DCUN1D4: variants seen among roughly 807,000 people sequenced by gnomAD.
DCUN1D4 encodes defective in cullin neddylation 1 domain containing 4.
In DCUN1D4, 22 loss-of-function variants were observed where a neutral mutation model predicts 47.9. That is an observed-to-expected ratio of 0.46 (90% confidence interval 0.33 to 0.66). The LOEUF is 0.66. Ranked by LOEUF, DCUN1D4 falls within the 30% of genes least tolerant of loss-of-function variation. DCUN1D4 has a pLI of 0.02. For missense variants in DCUN1D4, 301 were observed against 340.8 expected, an observed-to-expected ratio of 0.88 and a Z score of 0.92; for synonymous variants, 121 against 112.2, an observed-to-expected ratio of 1.08 and a Z score of -0.50.
At chr4:51,895,220 C>CT (rs901730374) in intron 7 of DCUN1D4, among the ~76,000 whole-genome samples, 2 of 151,494 alleles carry the variant, frequency 1.3e-5, no homozygotes, top group African/African-American at 4.8e-5. Flanking sequence ...AAAAAGGTTA[C>CT]TGTATGATGG....
At chr4:51,858,850 T>C (rs1724557032) in intron 1 of DCUN1D4, among the ~76,000 whole-genome samples, 1 of 152,214 alleles carries the variant, frequency 6.6e-6, no homozygotes. Context: ...ATGGCTGCTT[T>C]TGAGCTACTA....
At chr4:51,880,057 C>T (rs1422957131) in intron 5 of DCUN1D4, among the ~76,000 whole-genome samples, 5 of 152,194 alleles carry the variant, frequency 3.3e-5, no homozygotes, top group Non-Finnish European at 7.3e-5. Flanking sequence ...TAGCCACCCC[C>T]TTCTTTTTCC....
intron 5 of DCUN1D4, among the ~76,000 whole-genome samples, chr4:51,884,102 A>G (rs189527550): frequency 6.6e-6 from 1 of 152,108 alleles, no homozygotes; most frequent in Admixed American, 6.5e-5. Context: ...TATGAAGTAA[A>G]ATATTGTGTA....
intron 5 of DCUN1D4, among the ~76,000 whole-genome samples, chr4:51,882,201 A>G (rs1341365964): frequency 6.6e-6 from 1 of 152,256 alleles, no homozygotes; most frequent in African/African-American, 2.4e-5. Flanking sequence ...AAAAAGAAAA[A>G]GCATTAATAA....
At chr4:51,835,820 C>T in the DCUN1D4 span, among the ~76,000 whole-genome samples, 19 of 152,192 alleles carry the variant, frequency 1.2e-4, no homozygotes, top group East Asian at 3.7e-3. Context: ...TGACTAGACC[C>T]CTGTTTGGAG....
At chr4:51,855,242 GA>G (rs1243040015) in intron 1 of DCUN1D4, among the ~76,000 whole-genome samples, 1 of 152,188 alleles carries the variant, frequency 6.6e-6, no homozygotes, top group African/African-American at 2.4e-5. Context: ...TAGAGCTGAA[GA>G]GGGGTGAAGG....
chr4:51,907,684 C>T (rs1167398364), intron 8 of DCUN1D4, among the ~76,000 whole-genome samples: 2 of 151,992 alleles, frequency 1.3e-5, no homozygotes, highest in African/African-American at 2.4e-5. Flanking sequence ...TTTAATAATT[C>T]AGGGTTCCTC....
At chr4:51,869,834 C>G (rs1454602921) in intron 3 of DCUN1D4, among the ~76,000 whole-genome samples, 1 of 152,132 alleles carries the variant, frequency 6.6e-6, no homozygotes, top group African/African-American at 2.4e-5. Context: ...AAGAAAAGCT[C>G]TATTCATTGA....
rs1734150766 is a variant in DCUN1D4, at chr4:51,914,687, G to C, written c.*1103G>C. The C allele has an allele frequency of 6.6e-6, 1 of 152,492 alleles. No individual in the cohort carries two copies. The highest frequency in any genetic ancestry group is 2.4e-5 in the African/African-American group (1 of 41,418). The allele number at this position is 152,492 out of a possible 1,614,324, so 9.4% of individuals were successfully genotyped here. A position where few individuals can be genotyped will look rare whatever the true frequency, so the allele number is the denominator to read the frequency against. On this transcript the variant is annotated 3_prime_UTR_variant, in exon 11 of 11. Transcript: ENST00000334635. ...AAACCACCAGCATTGAGCTAACCCA[G>C]TACATGCTAGGACCTGTCCTAGAGG...
chr4:51,908,192 A>G (rs941240206), intron 8 of DCUN1D4, among the ~76,000 whole-genome samples: 7 of 152,162 alleles, frequency 4.6e-5, no homozygotes, highest in Admixed American at 4.6e-4. Context: ...ATCTAGTTGT[A>G]TATTGTGGGG....
chr4:51,840,192 G>C (rs1361384465), upstream of DCUN1D4, among the ~76,000 whole-genome samples: 1 of 151,686 alleles, frequency 6.6e-6, no homozygotes, highest in Non-Finnish European at 1.5e-5. Flanking sequence ...TAAATGTACA[G>C]AAGTATAACA....
At chr4:51,912,969 T>C (rs1733922209) in intron 9 of DCUN1D4, among the ~76,000 whole-genome samples, 1 of 152,172 alleles carries the variant, frequency 6.6e-6, no homozygotes, top group African/African-American at 2.4e-5. Context: ...ATAATATCTT[T>C]ATGAAGTAGA....
At chr4:51,854,650 C>G (rs1326169031) in intron 1 of DCUN1D4, among the ~76,000 whole-genome samples, 1 of 152,220 alleles carries the variant, frequency 6.6e-6, no homozygotes, top group Non-Finnish European at 1.5e-5. Flanking sequence ...CTCATACAAT[C>G]CTCAGCCCAC....
chr4:51,843,789 T>A, intron 1 of DCUN1D4: 5 of 102,614 alleles, frequency 4.9e-5, no homozygotes, highest in Non-Finnish European at 6.0e-5. Flanking sequence ...GAAGAAGGGC[T>A]GGTTGGCGGG....
At position 51,873,038 on chromosome 4, in the gene DCUN1D4, G is replaced by A. The variant is rs900540918; in HGVS notation, c.137-1233G>A. On this transcript the variant is annotated intron_variant, in intron 3 of 10. Transcript: ENST00000334635. Reference sequence around the variant, plus strand: ...TAACATTTCTCATTCTTCAAATGGCGAATGAGAGACCCTAAGTAGGTTAGT... The same window carrying A: ...TAACATTTCTCATTCTTCAAATGGCAAATGAGAGACCCTAAGTAGGTTAGT... 2.6e-5 allele frequency among the ~76,000 whole-genome samples: 4 copies of A among 152,300 alleles called. No individual in the cohort carries two copies. In the East Asian group the frequency reaches 5.8e-4, roughly 22 times the overall value.
intron 3 of DCUN1D4, among the ~76,000 whole-genome samples, chr4:51,867,831 C>T (rs1229408312): frequency 6.6e-6 from 1 of 152,230 alleles, no homozygotes; most frequent in Non-Finnish European, 1.5e-5. Context: ...ACCGGGGACC[C>T]ACCCCTTTCT....
chr4:51,844,014 G>C (rs559272121), intron 1 of DCUN1D4, among the ~76,000 whole-genome samples: 1 of 150,670 alleles, frequency 6.6e-6, no homozygotes, highest in African/African-American at 2.4e-5. Context: ...AAGATGTTGG[G>C]GTAAAGAGAT....
chr4:51,861,092 G>A (rs906113153), intron 1 of DCUN1D4, among the ~76,000 whole-genome samples: 1 of 152,148 alleles, frequency 6.6e-6, no homozygotes, highest in African/African-American at 2.4e-5. Flanking sequence ...ATTGTAATAG[G>A]TGTCTGATAA....
At chr4:51,844,555 G>T (rs189525682) in intron 1 of DCUN1D4, among the ~76,000 whole-genome samples, 40 of 152,084 alleles carry the variant, frequency 2.6e-4, no homozygotes, top group Non-Finnish European at 5.2e-4. Flanking sequence ...CAGTCCGTGG[G>T]TTTGATAGTC....
Sources: gnomAD v4.1 joint callset for allele counts (sites outside exome capture counted in the v4.1 genomes callset) on GRCh38, gnomAD v4.1.1 for gene constraint, MANE v1.5 for transcripts, NCBI Gene and HGNC (gene_info 2026-07-23, HGNC 2026-07-21) for gene names.